Variants in OPCML observed in about 807,000 individuals in gnomAD.
OPCML encodes opioid-binding protein/cell adhesion molecule.
A neutral mutation model predicts 37.8 loss-of-function variants in OPCML; 13 were observed. The ratio of observed to expected loss-of-function variants is 0.34; its 90% confidence interval spans 0.22 to 0.55. The LOEUF is 0.55. Among genes scored for constraint, OPCML ranks in the 20% least tolerant of loss-of-function variants. The probability of loss-of-function intolerance (pLI) is 0.91; values close to 1 mark genes in which losing one functional copy is unlikely to be tolerated. For synonymous variants in OPCML, 176 were observed against 168.8 expected (o/e 1.04, Z -0.33); for missense variants, 341 against 435.6 (o/e 0.78, Z 1.93).
At chr11:132,604,095 T>A (rs1338520038) in intron 3 of OPCML, among the ~76,000 whole-genome samples, 1 of 152,170 alleles carries the variant, frequency 6.6e-6, no homozygotes, top group Non-Finnish European at 1.5e-5. Flanking sequence ...TAGCAAATGA[T>A]TCTAAATATT....
At chr11:133,251,172 C>T (rs935164541) in intron 1 of OPCML, among the ~76,000 whole-genome samples, 1 of 152,116 alleles carries the variant, frequency 6.6e-6, no homozygotes, top group Non-Finnish European at 1.5e-5. Flanking sequence ...AAGTAGGAAC[C>T]TTCAAGGGTA....
intron 4 of OPCML, among the ~76,000 whole-genome samples, chr11:132,507,021 A>T (rs1166152831): frequency 1.3e-5 from 2 of 152,038 alleles, no homozygotes; most frequent in African/African-American, 4.8e-5. Context: ...AGGCTGAGCA[A>T]ATGTACATTT....
chr11:132,439,698 ATTT>A (rs10548500), intron 4 of OPCML, among the ~76,000 whole-genome samples: 40,995 of 147,704 alleles, frequency 0.28, 5,796 homozygotes, highest in Non-Finnish European at 0.31. Flanking sequence ...ACACCTCGCC[ATTT>A]TTTTTTTTTT....
At chr11:132,602,352 C>T (rs1389217508) in intron 3 of OPCML, among the ~76,000 whole-genome samples, 1 of 152,178 alleles carries the variant, frequency 6.6e-6, no homozygotes, top group East Asian at 1.9e-4. Context: ...CCTCCCAAAC[C>T]TATAGATTGT....
At chr11:133,169,402 G>A (rs1329151800) in intron 1 of OPCML, among the ~76,000 whole-genome samples, 1 of 151,726 alleles carries the variant, frequency 6.6e-6, no homozygotes, top group African/African-American at 2.4e-5. Flanking sequence ...ACAGATGAGA[G>A]AAACAAAACT....
intron 1 of OPCML, among the ~76,000 whole-genome samples, chr11:133,176,690 A>G (rs192428216): frequency 2.0e-5 from 3 of 152,300 alleles, no homozygotes; most frequent in Admixed American, 2.0e-4. Context: ...CCTCACCAGA[A>G]GCTGATGCCA....
At chr11:133,442,957 A>G (rs79916885) in intron 1 of OPCML, among the ~76,000 whole-genome samples, 4,491 of 152,282 alleles carry the variant, frequency 0.029, 229 homozygotes, top group African/African-American at 0.1. Flanking sequence ...TAAACATGAT[A>G]CTTAATAGCA....
At chr11:133,144,871 C>T (rs533189165) in intron 1 of OPCML, among the ~76,000 whole-genome samples, 16 of 152,284 alleles carry the variant, frequency 1.1e-4, no homozygotes, top group Admixed American at 9.2e-4. Flanking sequence ...GAATCAAAAA[C>T]AATACACAGA....
At chr11:133,303,341 C>T (rs1942829354) in intron 1 of OPCML, among the ~76,000 whole-genome samples, 2 of 152,136 alleles carry the variant, frequency 1.3e-5, no homozygotes, top group Non-Finnish European at 2.9e-5. Context: ...CAATCATACG[C>T]ATTGCATGAG....
intron 1 of OPCML, among the ~76,000 whole-genome samples, chr11:133,286,145 C>A (rs1380023955): frequency 3.3e-5 from 5 of 152,076 alleles, no homozygotes; most frequent in Non-Finnish European, 1.5e-5. Context: ...TGTCTCCAGA[C>A]ACACTGTGGA....
chr11:132,782,912 T>A (rs1239288479), intron 2 of OPCML, among the ~76,000 whole-genome samples: 2 of 100,370 alleles, frequency 2.0e-5, no homozygotes, highest in Admixed American at 1.2e-4. Context: ...ATATATATAG[T>A]GTGTGTATAT....
At chr11:133,400,187 C>A (rs1297238052) in intron 1 of OPCML, among the ~76,000 whole-genome samples, 2 of 152,170 alleles carry the variant, frequency 1.3e-5, no homozygotes, top group Non-Finnish European at 2.9e-5. Context: ...TCTAATTTAG[C>A]CTCAAGTGAG....
chr11:133,243,861 C>G (rs78216549), intron 1 of OPCML, among the ~76,000 whole-genome samples: 2,293 of 152,308 alleles, frequency 0.015, 60 homozygotes, highest in African/African-American at 0.053. Flanking sequence ...TATTTGGGGA[C>G]CTCTTGGAGC....
intron 1 of OPCML, among the ~76,000 whole-genome samples, chr11:133,383,247 A>G (rs1380836716): frequency 6.6e-6 from 1 of 152,100 alleles, no homozygotes; most frequent in East Asian, 1.9e-4. Flanking sequence ...CCCCATCCAG[A>G]GCCCTGTGAG....
chr11:133,086,066 A>G (rs1406179792), intron 1 of OPCML, among the ~76,000 whole-genome samples: 1 of 152,228 alleles, frequency 6.6e-6, no homozygotes, highest in East Asian at 1.9e-4. Context: ...GGTGTAAAAC[A>G]GTGCTAGAGA....
At chr11:132,577,633 G>T (rs1191809099) in intron 3 of OPCML, among the ~76,000 whole-genome samples, 3 of 152,100 alleles carry the variant, frequency 2.0e-5, no homozygotes, top group Non-Finnish European at 4.4e-5. Context: ...TGCAAATAAT[G>T]TGATGATCGC....
chr11:133,135,759 G>A (rs548403275), intron 1 of OPCML, among the ~76,000 whole-genome samples: 14 of 152,190 alleles, frequency 9.2e-5, no homozygotes, highest in Admixed American at 3.3e-4. Flanking sequence ...TCAAAGTAGC[G>A]TCCTTTTTCC....
At chr11:132,766,567 C>A (rs1218320885) in intron 2 of OPCML, among the ~76,000 whole-genome samples, 1 of 152,090 alleles carries the variant, frequency 6.6e-6, no homozygotes, top group Non-Finnish European at 1.5e-5. Flanking sequence ...TGTTGAGACC[C>A]TTTTATAAGG....
intron 1 of OPCML, chr11:133,423,038 C>A: frequency 1.0e-6 from 1 of 985,058 alleles, no homozygotes; most frequent in East Asian, 1.1e-4. Flanking sequence ...GGAACCTCTA[C>A]TGTTCCTCTT....
Sources: allele counts gnomAD v4.1 joint callset (sites outside exome capture counted in the v4.1 genomes callset), GRCh38; gene constraint gnomAD v4.1.1; transcripts MANE v1.5; gene names NCBI Gene and HGNC (gene_info 2026-07-23, HGNC 2026-07-21).